Variants in SLC35F1 observed in about 807,000 individuals in gnomAD.
SLC35F1 encodes the protein solute carrier family 35 member F1.
A neutral mutation model predicts 48.7 loss-of-function variants in SLC35F1; 14 were observed. That is an observed-to-expected ratio of 0.29 (90% CI 0.19 to 0.45). SLC35F1 has a LOEUF of 0.45. SLC35F1 is among the 20% of genes least tolerant of loss of function. SLC35F1 has a pLI of 1.00. For synonymous variants in SLC35F1, 190 were observed against 202.2 expected, an observed-to-expected ratio of 0.94 and a Z score of 0.51; for missense variants, 404 against 500.0, an observed-to-expected ratio of 0.81 and a Z score of 1.83.
chr6:117,958,210 A>G (rs78682224), intron 1 of SLC35F1, among the ~76,000 whole-genome samples: 2,539 of 152,328 alleles, frequency 0.017, 170 homozygotes, highest in East Asian at 0.12. Context: ...ATAAATACAA[A>G]TATTTTTGCA....
intron 1 of SLC35F1, among the ~76,000 whole-genome samples, chr6:117,950,952 CAAAT>C (rs1237023657): frequency 6.6e-6 from 1 of 152,060 alleles, no homozygotes; most frequent in Non-Finnish European, 1.5e-5. Flanking sequence ...AACATATAGT[CAAAT>C]AATACATTCT....
In SLC35F1 at chr6:118,226,223, G is replaced by A. The variant is rs147476503; in HGVS notation, c.350-9286G>A. On this transcript the variant is annotated intron_variant, in intron 2 of 7. Transcript: ENST00000360388. ...AGACAAGGAATGACATGCTGGTGAC[G>A]ATATGAAGAAAGGCGAATCCTTGTA... Among the ~76,000 whole-genome samples the A allele has an allele frequency of 5.9e-5, 9 of 152,252 alleles. No individual in the cohort carries two copies. The East Asian group carries it at 1.4e-3, about 23-fold the overall frequency.
At chr6:118,023,171 T>A (rs1777419528) in intron 1 of SLC35F1, among the ~76,000 whole-genome samples, 1 of 152,186 alleles carries the variant, frequency 6.6e-6, no homozygotes, top group Non-Finnish European at 1.5e-5. Context: ...AAGGTAAGGA[T>A]AAGAAGTTTA....
chr6:118,104,492 T>C (rs568881499), intron 1 of SLC35F1, among the ~76,000 whole-genome samples: 1 of 152,344 alleles, frequency 6.6e-6, no homozygotes, highest in African/African-American at 2.4e-5. Context: ...AAATGTTAGC[T>C]ATTTTCTTTA....
intron 1 of SLC35F1, among the ~76,000 whole-genome samples, chr6:118,040,525 C>T (rs1000720309): frequency 1.3e-5 from 2 of 152,116 alleles, no homozygotes; most frequent in Non-Finnish European, 2.9e-5. Flanking sequence ...GATAGGATAG[C>T]ATGAGTACCA....
chr6:118,190,200 A>G (rs1258895466), intron 2 of SLC35F1, among the ~76,000 whole-genome samples: 2 of 152,194 alleles, frequency 1.3e-5, no homozygotes, highest in Admixed American at 1.3e-4. Context: ...ACCCACTGGG[A>G]AACAGTAGAA....
chr6:118,002,316 T>C (rs1308912825), intron 1 of SLC35F1, among the ~76,000 whole-genome samples: 3 of 151,970 alleles, frequency 2.0e-5, no homozygotes, highest in Non-Finnish European at 2.9e-5. Flanking sequence ...ATGGATGAAA[T>C]TGGAAATCAT....
chr6:118,250,636 A>C (rs1237524582), intron 3 of SLC35F1, among the ~76,000 whole-genome samples: 1 of 152,176 alleles, frequency 6.6e-6, no homozygotes, highest in Non-Finnish European at 1.5e-5. Flanking sequence ...ACAAGGGAGA[A>C]GGACATGAGA....
intron 1 of SLC35F1, among the ~76,000 whole-genome samples, chr6:118,046,086 C>T (rs55884001): frequency 0.19 from 28,894 of 152,178 alleles, 3,007 homozygotes; most frequent in Middle Eastern, 0.27. Flanking sequence ...AATCTGTGAA[C>T]ACTATCCTAA....
chr6:118,222,512 TA>T (rs1370226050), intron 2 of SLC35F1, among the ~76,000 whole-genome samples: 1 of 152,060 alleles, frequency 6.6e-6, no homozygotes, highest in African/African-American at 2.4e-5. Flanking sequence ...TTGGGGGGTA[TA>T]AAAATATTAC....
intron 3 of SLC35F1, among the ~76,000 whole-genome samples, chr6:118,242,971 A>G (rs563695166): frequency 6.6e-6 from 1 of 152,302 alleles, no homozygotes; most frequent in African/African-American, 2.4e-5. Flanking sequence ...AGTGAAGGAC[A>G]AGGAGGTAAT....
intron 2 of SLC35F1, among the ~76,000 whole-genome samples, chr6:118,214,790 G>A (rs949650523): frequency 1.3e-5 from 2 of 152,152 alleles, no homozygotes; most frequent in Non-Finnish European, 2.9e-5. Context: ...GAAGGAAGGT[G>A]AAGAATAGTA....
chr6:117,940,558 G>C (rs922457707), intron 1 of SLC35F1, among the ~76,000 whole-genome samples: 1 of 152,134 alleles, frequency 6.6e-6, no homozygotes. Context: ...TTCATTACAA[G>C]ATTATTCACA....
chr6:118,314,319 G>A lies in SLC35F1; in HGVS notation c.*67G>A. ...TGTTTTTGCCCATCATCTCTGTATTGTACATAGAGAAAGGTATTTACTAGG... is the reference window on the plus strand; with the variant it reads ...TGTTTTTGCCCATCATCTCTGTATTATACATAGAGAAAGGTATTTACTAGG... On this transcript the variant is annotated 3_prime_UTR_variant, in exon 8 of 8. Transcript: ENST00000360388. 7.2e-7 allele frequency: 1 copy of A among 1,387,182 alleles called. No individual in the cohort carries two copies. 85.9% of individuals were successfully genotyped at this position (1,387,182 alleles called of 1,614,324 possible). A position where few individuals can be genotyped will look rare whatever the true frequency, so the allele number is the denominator to read the frequency against.
At chr6:118,189,448 A>G (rs1191673230) in intron 2 of SLC35F1, among the ~76,000 whole-genome samples, 2 of 152,170 alleles carry the variant, frequency 1.3e-5, no homozygotes, top group Non-Finnish European at 1.5e-5. Flanking sequence ...GCCCATTTTT[A>G]AAATCAGATT....
intron 1 of SLC35F1, among the ~76,000 whole-genome samples, chr6:118,005,138 G>A (rs137920100): frequency 2.6e-4 from 39 of 152,258 alleles, no homozygotes; most frequent in African/African-American, 6.5e-4. Flanking sequence ...AGCAAGAAGA[G>A]GAGAAAAGGT....
Position 118,048,276 on chromosome 6 carries a change from C to T in SLC35F1, c.174-106169C>T, listed in dbSNP as rs1311691563. ...AAGCTTTTTGATGTGCTGCTGGATT[C>T]GGTTTGCCAGTATTTTATTGAGGAT... On this transcript the variant is annotated intron_variant, in intron 1 of 7. Transcript: ENST00000360388. Among the ~76,000 whole-genome samples, 16 of 152,116 alleles carry T rather than the reference C, an allele frequency of 1.1e-4. 1 individual carries two copies. Among genetic ancestry groups the T allele is most frequent in the South Asian group, 6.2e-4 (3 of 4,810 alleles).
At position 118,314,222 on chromosome 6, in the gene SLC35F1, C is replaced by A. The variant is rs139217628; in HGVS notation, c.1197C>A (p.Thr399=). 1.2e-6 allele frequency: 2 copies of A among 1,614,144 alleles called. No individual in the cohort carries two copies. The highest frequency in any genetic ancestry group is 1.7e-6 in the Non-Finnish European group (2 of 1,180,022). The part of the protein sequence containing the change: ...SVTYTSLGQE[T]EEEPHVRVA The stretch of plus-strand genomic sequence containing the variant: ...CCTACACCAGCCTGGGCCAGGAGAC[C>A]GAAGAGGAGCCTCATGTTCGTGTGG... Residue 399 remains threonine, a synonymous_variant, in exon 8 of 8, where the codon ACC becomes ACA. Coordinates refer to ENST00000360388, the MANE Select transcript of SLC35F1 (RefSeq NM_001029858.4).
rs1027710728 is a variant in SLC35F1 at position 118,188,501 on chromosome 6, G to T, written c.349+33881G>T. ...GGAGGCAGAGGTTGCGGTGAGCCAAGACCGTGCCGTTGTACTCCAGCCTGG... is the reference window on the plus strand; with the variant it reads ...GGAGGCAGAGGTTGCGGTGAGCCAATACCGTGCCGTTGTACTCCAGCCTGG... On this transcript the variant is annotated intron_variant, in intron 2 of 7. Coordinates refer to ENST00000360388, the MANE Select transcript of SLC35F1 (RefSeq NM_001029858.4). Among the ~76,000 whole-genome samples the T allele has an allele frequency of 2.1e-4, 32 of 151,062 alleles. 1 individual carries two copies. Among genetic ancestry groups the T allele is most frequent in the Non-Finnish European group, 1.5e-5 (1 of 67,916 alleles).
Sources: allele counts gnomAD v4.1 joint callset (sites outside exome capture counted in the v4.1 genomes callset), GRCh38; gene constraint gnomAD v4.1.1; transcripts MANE v1.5; gene names NCBI Gene and HGNC (gene_info 2026-07-23, HGNC 2026-07-21).